The following SGCZ variants were observed in gnomAD, a reference collection of about 807,000 sequenced individuals.
SGCZ encodes the protein zeta-sarcoglycan.
SGCZ carries 40 observed loss-of-function variants against 41.3 expected under a neutral mutation model. That is an observed-to-expected ratio of 0.97 (90% CI 0.75 to 1.26). SGCZ has a LOEUF of 1.26. SGCZ is among the 50% of genes most tolerant of loss of function. The probability of loss-of-function intolerance (pLI) is 0.00; values close to 1 mark genes in which losing one functional copy is unlikely to be tolerated. For missense variants in SGCZ, 552 were observed against 369.8 expected, an observed-to-expected ratio of 1.49 and a Z score of -4.04; for synonymous variants, 206 against 137.5, an observed-to-expected ratio of 1.50 and a Z score of -3.49.
chr8:15,203,639 G>C (rs552046245), intron 1 of SGCZ, among the ~76,000 whole-genome samples: 6 of 152,232 alleles, frequency 3.9e-5, no homozygotes, highest in African/African-American at 1.4e-4. Context: ...GGTTATTATA[G>C]CAAGTGATAA....
chr8:14,395,468 A>G (rs756832683), intron 2 of SGCZ, among the ~76,000 whole-genome samples: 1 of 152,216 alleles, frequency 6.6e-6, no homozygotes, highest in East Asian at 1.9e-4. Context: ...GGGTTCCCAT[A>G]TAATCAGCAA....
At chr8:14,279,745 T>A (rs548943202) in intron 3 of SGCZ, among the ~76,000 whole-genome samples, 1 of 152,108 alleles carries the variant, frequency 6.6e-6, no homozygotes, top group Non-Finnish European at 1.5e-5. Context: ...AAAAGTAGAT[T>A]CACAGCCTCA....
At chr8:14,493,303 C>T (rs1801895340) in intron 2 of SGCZ, among the ~76,000 whole-genome samples, 1 of 141,916 alleles carries the variant, frequency 7.0e-6, no homozygotes, top group Non-Finnish European at 1.5e-5. Context: ...TAAAATACTT[C>T]TTGTCTTCTG....
At chr8:15,084,540 C>T (rs1359535662) in intron 1 of SGCZ, among the ~76,000 whole-genome samples, 1 of 152,110 alleles carries the variant, frequency 6.6e-6, no homozygotes, top group Non-Finnish European at 1.5e-5. Context: ...AACCTGAGGT[C>T]AAGAGTTCGA....
At chr8:14,799,267 C>T (rs535660906) in intron 1 of SGCZ, among the ~76,000 whole-genome samples, 2 of 152,192 alleles carry the variant, frequency 1.3e-5, no homozygotes, top group African/African-American at 4.8e-5. Flanking sequence ...TTTAGTGATA[C>T]TGCTAAACTT....
In SGCZ at chr8:14,944,024, T is replaced by C. The variant is rs947343087; in HGVS notation, c.39+293561A>G. Among the ~76,000 whole-genome samples, 4 of 152,230 alleles carry C rather than the reference T, an allele frequency of 2.6e-5. No individual in the cohort carries two copies. The East Asian group carries it at 7.7e-4, about 29-fold the overall frequency. On this transcript the variant is annotated intron_variant, in intron 1 of 7. Coordinates refer to ENST00000382080, the MANE Select transcript of SGCZ (RefSeq NM_139167.4). ...AGTCTACTGCTGATGGGCATTTAGG[T>C]GAATTCCATGTATTTGCTACTGTGA...
At chr8:14,392,963 CTTAA>C (rs1262014521) in intron 2 of SGCZ, among the ~76,000 whole-genome samples, 4 of 151,772 alleles carry the variant, frequency 2.6e-5, no homozygotes, top group Non-Finnish European at 4.4e-5. Flanking sequence ...ACACTTTGTA[CTTAA>C]TTAATTTTTA....
chr8:14,568,232 C>T (rs555969887), intron 1 of SGCZ, among the ~76,000 whole-genome samples: 216 of 150,688 alleles, frequency 1.4e-3, no homozygotes, highest in African/African-American at 4.9e-3. Context: ...GGGGCCTGTC[C>T]GGGGGTGGGG....
intron 1 of SGCZ, among the ~76,000 whole-genome samples, chr8:15,178,086 T>C (rs1800053715): frequency 6.6e-6 from 1 of 152,100 alleles, no homozygotes; most frequent in South Asian, 2.1e-4. Context: ...CCCTGCCATT[T>C]CCCCAGGACA....
intron 1 of SGCZ, among the ~76,000 whole-genome samples, chr8:15,227,823 A>G (rs1466221437): frequency 6.6e-6 from 1 of 152,196 alleles, no homozygotes; most frequent in Non-Finnish European, 1.5e-5. Context: ...GCATCTCACT[A>G]AACATCAGAA....
intron 3 of SGCZ, among the ~76,000 whole-genome samples, chr8:14,320,862 G>T (rs111473544): frequency 6.6e-6 from 1 of 151,996 alleles, no homozygotes; most frequent in Non-Finnish European, 1.5e-5. Context: ...TGTTTAGTTC[G>T]TCTCAGATAA....
chr8:14,869,834 C>A (rs962368720), intron 1 of SGCZ, among the ~76,000 whole-genome samples: 2 of 152,108 alleles, frequency 1.3e-5, no homozygotes, highest in Admixed American at 6.6e-5. Context: ...AACTCCCATT[C>A]ACACTTGCTA....
chr8:14,538,671 C>T (rs983388738), intron 2 of SGCZ, among the ~76,000 whole-genome samples: 1 of 151,924 alleles, frequency 6.6e-6, no homozygotes, highest in African/African-American at 2.4e-5. Flanking sequence ...AAAGCATCTA[C>T]CAGCAGCTGT....
intron 3 of SGCZ, among the ~76,000 whole-genome samples, chr8:14,251,661 T>A (rs569916229): frequency 6.6e-6 from 1 of 152,334 alleles, no homozygotes; most frequent in East Asian, 1.9e-4. Context: ...AAAAACATTG[T>A]TTTTAATAAT....
chr8:14,246,846 C>T (rs535993495), intron 3 of SGCZ, among the ~76,000 whole-genome samples: 1 of 140,640 alleles, frequency 7.1e-6, no homozygotes, highest in South Asian at 2.3e-4. Flanking sequence ...GGAGGCAGAG[C>T]TTGCAGTGAG....
In SGCZ at chr8:14,090,634, A is replaced by T; in HGVS notation, c.748T>A (p.Phe250Ile). The T allele has an allele frequency of 6.2e-7, 1 of 1,608,822 alleles. No individual in the cohort carries two copies. The highest frequency in any genetic ancestry group is 8.5e-7 in the Non-Finnish European group (1 of 1,178,388). The part of the protein sequence containing the change: ...LHLQSTEGEI[F>I]LNAETIKLGN... Reference sequence around the variant, plus strand: ...AGCTTGATTGTCTCTGCATTTAAAAATATCTATGGGAAAAAAGAAATTGCA... The same window carrying T: ...AGCTTGATTGTCTCTGCATTTAAAATTATCTATGGGAAAAAAGAAATTGCA... Residue 250 changes from phenylalanine to isoleucine, a missense_variant, in exon 8 of 8, where the codon TTT becomes ATT. Coordinates refer to ENST00000382080, the MANE Select transcript of SGCZ (RefSeq NM_139167.4).
At chr8:14,205,170 T>C (rs1203540416) in intron 4 of SGCZ, among the ~76,000 whole-genome samples, 2 of 3,894 alleles carry the variant, frequency 5.1e-4, no homozygotes, top group Admixed American at 4.3e-3. Flanking sequence ...TCCTAGACTT[T>C]ATTTTTTTTT....
chr8:14,543,716 C>A (rs1159476623), intron 2 of SGCZ, among the ~76,000 whole-genome samples: 3 of 152,068 alleles, frequency 2.0e-5, no homozygotes, highest in Non-Finnish European at 2.9e-5. Flanking sequence ...ACGGGCAAGG[C>A]AAGATCTTTA....
chr8:14,463,017 A>AT (rs1167509532), intron 2 of SGCZ, among the ~76,000 whole-genome samples: 3 of 151,682 alleles, frequency 2.0e-5, no homozygotes, highest in Non-Finnish European at 4.4e-5. Flanking sequence ...AATACAACTG[A>AT]TTTTTTGTGT....
Sources: gnomAD v4.1 joint callset for allele counts (sites outside exome capture counted in the v4.1 genomes callset) on GRCh38, gnomAD v4.1.1 for gene constraint, MANE v1.5 for transcripts, NCBI Gene and HGNC (gene_info 2026-07-23, HGNC 2026-07-21) for gene names.